RSBN1L: variants seen among roughly 807,000 people sequenced by gnomAD.
RSBN1L encodes lysine-specific demethylase RSBN1L.
Under a neutral mutation model 67.7 loss-of-function variants are expected in RSBN1L, and 30 were observed. That is an observed-to-expected ratio of 0.44 (90% CI 0.33 to 0.60). The LOEUF is 0.60. Among genes scored for constraint, RSBN1L ranks in the 20% least tolerant of loss-of-function variants. RSBN1L has a pLI of 0.02. For synonymous variants in RSBN1L, 433 were observed against 387.0 expected, an observed-to-expected ratio of 1.12 and a Z score of -1.39; for missense variants, 992 against 1,031.7, an observed-to-expected ratio of 0.96 and a Z score of 0.53.
chr7:77,776,908 A>G (rs574020148), intron 6 of RSBN1L, among the ~76,000 whole-genome samples: 2 of 151,988 alleles, frequency 1.3e-5, no homozygotes, highest in East Asian at 3.9e-4. Flanking sequence ...TATTTAATAG[A>G]AATATTAGTA....
intron 4 of RSBN1L, 93 bp downstream of exon 4, chr7:77,765,725 A>G: frequency 2.1e-6 from 2 of 932,912 alleles, no homozygotes; most frequent in South Asian, 4.4e-5. Flanking sequence ...TGTTTCTTTC[A>G]TGCTACATGC....
At chr7:77,741,505 T>A (rs1264040411) in intron 2 of RSBN1L, among the ~76,000 whole-genome samples, 2 of 151,336 alleles carry the variant, frequency 1.3e-5, no homozygotes, top group East Asian at 4.0e-4. Flanking sequence ...TCCTGGTTAA[T>A]GTGGTGAAAC....
At chr7:77,706,244 T>C (rs1159100477) in intron 1 of RSBN1L, among the ~76,000 whole-genome samples, 1 of 151,990 alleles carries the variant, frequency 6.6e-6, no homozygotes, top group Non-Finnish European at 1.5e-5. Context: ...GTTGGGCTAA[T>C]TTTTTGTATT....
rs1365563215 is a variant in RSBN1L at position 77,696,562 on chromosome 7, C to G, written c.93C>G (p.Leu31=). Residue 31 remains leucine (L), a synonymous_variant, in exon 1 of 8, where the codon CTC becomes CTG. Transcript: ENST00000334955. The stretch of plus-strand genomic sequence containing the variant: ...AAGAACCGTTTGGCAAGCTGCAACT[C>G]TCCTCCCGGGACCCTCCGGGTTCTC... The part of the protein sequence containing the change: ...SEKEPFGKLQ[L]SSRDPPGSLS... 1.2e-6 allele frequency: 2 copies of G among 1,614,038 alleles called. No individual in the cohort carries two copies. The highest frequency in any genetic ancestry group is 1.1e-5 in the South Asian group (1 of 91,094).
intron 1 of RSBN1L, among the ~76,000 whole-genome samples, chr7:77,699,580 G>T (rs1790786292): frequency 6.6e-6 from 1 of 152,136 alleles, no homozygotes; most frequent in Admixed American, 6.5e-5. Flanking sequence ...GGTGAATGCT[G>T]ATAGAGGAAG....
intron 3 of RSBN1L, among the ~76,000 whole-genome samples, chr7:77,750,296 G>GGTT (rs1185115425): frequency 1.7e-5 from 1 of 57,452 alleles, no homozygotes; most frequent in African/African-American, 6.9e-5. Context: ...AAGATTCTGT[G>GGTT]TTTTTTTTTT....
rs73374143 is a variant in RSBN1L at position 77,764,187 on chromosome 7, C to G, written c.1345-1308C>G. On this transcript the variant is annotated intron_variant, in intron 3 of 7. Transcript: ENST00000334955. ...CAGTTTTAAGACTGATAGTCCTGGG[C>G]AAACTGGGACAAATTGGTCTCCTAA... Among the ~76,000 whole-genome samples, 415 of 152,264 alleles carry G rather than the reference C, an allele frequency of 2.7e-3. 3 individuals carry two copies. Among genetic ancestry groups the G allele is most frequent in the African/African-American group, 9.6e-3 (399 of 41,552 alleles).
In RSBN1L at chr7:77,773,195, G is replaced by A. The variant is rs1457906194; in HGVS notation, c.1674G>A (p.Glu558=). Residue 558 remains glutamate, a synonymous_variant, in exon 6 of 8, where the codon GAG becomes GAA. Coordinates refer to ENST00000334955, the MANE Select transcript of RSBN1L (RefSeq NM_198467.3). Reference sequence around the variant, plus strand: ...TTCAGTACCTACCTCGAACAAGTGAGCCCCGTGAGATGCTCTTTGAAGACA... The same window carrying A: ...TTCAGTACCTACCTCGAACAAGTGAACCCCGTGAGATGCTCTTTGAAGACA... ...KNLQYLPRTS[E]PREMLFEDRT... The A allele has an allele frequency of 6.2e-7, 1 of 1,612,066 alleles. No individual in the cohort carries two copies. The highest frequency in any genetic ancestry group is 2.2e-5 in the East Asian group (1 of 44,872).
At chr7:77,764,103 T>C (rs1285562887) in intron 3 of RSBN1L, among the ~76,000 whole-genome samples, 1 of 152,202 alleles carries the variant, frequency 6.6e-6, no homozygotes, top group Non-Finnish European at 1.5e-5. Flanking sequence ...TCTTTTATAA[T>C]CTGTGTCTGT....
chr7:77,717,167 G>T (rs1791060102), intron 1 of RSBN1L, among the ~76,000 whole-genome samples: 1 of 151,158 alleles, frequency 6.6e-6, no homozygotes, highest in African/African-American at 2.4e-5. Context: ...TTGCCATGTT[G>T]CCTGGACTCA....
chr7:77,739,735 G>GT (rs1791383524), intron 2 of RSBN1L, among the ~76,000 whole-genome samples: 1 of 74,530 alleles, frequency 1.3e-5, no homozygotes. Flanking sequence ...AAAAAAAAAT[G>GT]TGTCTTTTTT....
chr7:77,761,205 C>T (rs1791693569), intron 3 of RSBN1L, among the ~76,000 whole-genome samples: 1 of 152,122 alleles, frequency 6.6e-6, no homozygotes, highest in Admixed American at 6.5e-5. Context: ...CATTATGATA[C>T]AATACTGATG....
At chr7:77,704,034 A>T (rs538961046) in intron 1 of RSBN1L, among the ~76,000 whole-genome samples, 1 of 152,218 alleles carries the variant, frequency 6.6e-6, no homozygotes, top group Non-Finnish European at 1.5e-5. Flanking sequence ...TTATGTGAAC[A>T]TGGTATATTG....
At chr7:77,716,564 A>G (rs1791051516) in intron 1 of RSBN1L, among the ~76,000 whole-genome samples, 1 of 144,176 alleles carries the variant, frequency 6.9e-6, no homozygotes, top group Non-Finnish European at 1.5e-5. Flanking sequence ...TTAAACTAGG[A>G]GGAAATTATA....
intron 3 of RSBN1L, among the ~76,000 whole-genome samples, chr7:77,752,327 T>G (rs574133392): frequency 2.8e-4 from 42 of 152,254 alleles, no homozygotes; most frequent in Non-Finnish European, 5.7e-4. Flanking sequence ...CTGCAGGGAC[T>G]ACTTTTGCTT....
intron 4 of RSBN1L, among the ~76,000 whole-genome samples, chr7:77,767,692 C>T (rs1227501890): frequency 2.0e-5 from 3 of 146,862 alleles, no homozygotes; most frequent in Non-Finnish European, 3.0e-5. Flanking sequence ...TCTCTTTTCT[C>T]TTCCCCTTCC....
chr7:77,770,879 T>C (rs538266772), intron 5 of RSBN1L, among the ~76,000 whole-genome samples: 1 of 152,232 alleles, frequency 6.6e-6, no homozygotes, highest in African/African-American at 2.4e-5. Flanking sequence ...AAAATGTACA[T>C]TAGGTTAACG....
chr7:77,745,094 T>C (rs1791463098), intron 2 of RSBN1L, among the ~76,000 whole-genome samples: 1 of 152,038 alleles, frequency 6.6e-6, no homozygotes, highest in African/African-American at 2.4e-5. Context: ...AAACCCTGTC[T>C]CTACTAAAAA....
intron 2 of RSBN1L, among the ~76,000 whole-genome samples, chr7:77,738,318 A>G (rs1360690626): frequency 6.6e-6 from 1 of 152,232 alleles, no homozygotes; most frequent in Non-Finnish European, 1.5e-5. Flanking sequence ...AAAATGAAAT[A>G]TACGATATTA....
Sources: allele counts gnomAD v4.1 joint callset (sites outside exome capture counted in the v4.1 genomes callset), GRCh38; gene constraint gnomAD v4.1.1; transcripts MANE v1.5; gene names NCBI Gene and HGNC (gene_info 2026-07-23, HGNC 2026-07-21).